Variants in PECAM1 observed in about 807,000 individuals in gnomAD.
PECAM1 encodes platelet and endothelial cell adhesion molecule 1.
A neutral mutation model predicts 13.8 loss-of-function variants in PECAM1; 8 were observed. The ratio of observed to expected loss-of-function variants is 0.58; its 90% confidence interval spans 0.34 to 1.05. PECAM1 has a LOEUF of 1.05. PECAM1 is among the 50% of genes least tolerant of loss of function. The pLI is 0.03. For missense variants in PECAM1, 304 were observed against 141.2 expected, an observed-to-expected ratio of 2.15 and a Z score of -5.84; for synonymous variants, 136 against 52.6, an observed-to-expected ratio of 2.58 and a Z score of -6.86.
chr17:64,324,221 A>G (rs1267721282), intron 15 of PECAM1, among the ~76,000 whole-genome samples: 1 of 152,096 alleles, frequency 6.6e-6, no homozygotes, highest in African/African-American at 2.4e-5. Context: ...CCTCTCTCCC[A>G]CCCACTCAAG....
intron 11 of PECAM1, among the ~76,000 whole-genome samples, chr17:64,351,932 T>C (rs1277111682): frequency 1.3e-5 from 2 of 152,360 alleles, no homozygotes; most frequent in South Asian, 2.1e-4. Flanking sequence ...TATTTCTTAG[T>C]TGGAACACTT....
In PECAM1 at chr17:64,321,757, T is replaced by C; in HGVS notation, c.*2059A>G. The stretch of plus-strand genomic sequence containing the variant: ...GCCTGGGCAACAGAGCAAGCCCCTG[T>C]CTCAACAAAACAAAACAAAACAAAA... On this transcript the variant is annotated 3_prime_UTR_variant, in exon 16 of 16. Coordinates refer to ENST00000563924, the MANE Select transcript of PECAM1 (RefSeq NM_000442.5). The C allele has an allele frequency of 7.8e-7, 1 of 1,281,156 alleles. No individual in the cohort carries two copies. Among genetic ancestry groups the C allele is most frequent in the East Asian group, 5.0e-5 (1 of 20,176 alleles). 79.4% of individuals were successfully genotyped at this position (1,281,156 alleles called of 1,614,324 possible).
intron 13 of PECAM1, 71 bp downstream of exon 13, chr17:64,348,189 A>AC (rs1409700424): frequency 7.9e-5 from 37 of 467,082 alleles, no homozygotes; most frequent in African/African-American, 6.6e-4. Flanking sequence ...TGAACACAGC[A>AC]CCCCCGCCAC....
At chr17:64,369,727 C>G (rs1391404468) in intron 5 of PECAM1, 23 bp downstream of exon 5, 1 of 398,558 alleles carries the variant, frequency 2.5e-6, no homozygotes, top group Non-Finnish European at 4.4e-6. Flanking sequence ...TATGCCAACA[C>G]CCTCCCGCAG....
chr17:64,325,695 C>A (rs1555645539), intron 15 of PECAM1, among the ~76,000 whole-genome samples: 1 of 152,198 alleles, frequency 6.6e-6, no homozygotes, highest in Non-Finnish European at 1.5e-5. Context: ...TGAAATAGCA[C>A]CCCTGCACTC....
chr17:64,341,402 G>A (rs2035427036), intron 14 of PECAM1, among the ~76,000 whole-genome samples: 3 of 152,204 alleles, frequency 2.0e-5, no homozygotes, highest in South Asian at 2.1e-4. Context: ...AAGGGTCACC[G>A]GCTGGGGTCA....
intron 6 of PECAM1, among the ~76,000 whole-genome samples, chr17:64,362,326 T>G (rs2036001064): frequency 6.6e-6 from 1 of 152,196 alleles, no homozygotes; most frequent in Admixed American, 6.6e-5. Context: ...CCTTTTGGGT[T>G]AGCCAGGATA....
chr17:64,370,820 A>G (rs1433094214), intron 4 of PECAM1, among the ~76,000 whole-genome samples: 1 of 152,236 alleles, frequency 6.6e-6, no homozygotes, highest in Non-Finnish European at 1.5e-5. Context: ...AAACTGGAAT[A>G]TATACACAGA....
intron 15 of PECAM1, among the ~76,000 whole-genome samples, chr17:64,329,473 C>T (rs1555646236): frequency 1.3e-5 from 2 of 152,134 alleles, no homozygotes; most frequent in Non-Finnish European, 2.9e-5. Flanking sequence ...ACCCCAGAGT[C>T]CCAATCCCTT....
intron 14 of PECAM1, among the ~76,000 whole-genome samples, chr17:64,333,597 CT>C (rs1330836236): frequency 6.6e-6 from 1 of 151,894 alleles, no homozygotes; most frequent in African/African-American, 2.4e-5. Flanking sequence ...TGCCACTGAG[CT>C]GGATACTTAG....
intron 2 of PECAM1, among the ~76,000 whole-genome samples, chr17:64,381,195 T>C (rs2036474588): frequency 1.3e-5 from 2 of 152,322 alleles, no homozygotes; most frequent in South Asian, 4.1e-4. Flanking sequence ...CAGGAAACAC[T>C]GTGTTTATGC....
At chr17:64,345,483 CG>C (rs1385727789) in intron 13 of PECAM1, among the ~76,000 whole-genome samples, 1 of 151,982 alleles carries the variant, frequency 6.6e-6, no homozygotes, top group Non-Finnish European at 1.5e-5. Flanking sequence ...GTGGTCAAGG[CG>C]GGTGGATCAC....
chr17:64,331,507 C>T (rs1031211336), intron 14 of PECAM1, among the ~76,000 whole-genome samples: 1 of 152,340 alleles, frequency 6.6e-6, no homozygotes, highest in Non-Finnish European at 1.5e-5. Context: ...TCTTGGCAGG[C>T]GCCATGCTGT....
intron 13 of PECAM1, among the ~76,000 whole-genome samples, chr17:64,346,894 A>G (rs1169627699): frequency 2.0e-5 from 3 of 152,178 alleles, no homozygotes; most frequent in Admixed American, 2.0e-4. Flanking sequence ...AAAGCACTCG[A>G]TATCTTGAAA....
At position 64,319,560 on chromosome 17, in the gene PECAM1, C is replaced by T. The variant is rs1404436541; in HGVS notation, c.*4256G>A. On this transcript the variant is annotated 3_prime_UTR_variant, in exon 16 of 16. Transcript: ENST00000563924. Reference sequence around the variant, plus strand: ...GGGGTTTTATGTATTTGGCATAGTTCTGGGATTTACGTCTCATCTCCCCTG... The same window carrying T: ...GGGGTTTTATGTATTTGGCATAGTTTTGGGATTTACGTCTCATCTCCCCTG... 1 of 152,124 alleles carries T rather than the reference C, an allele frequency of 6.6e-6. No homozygotes were observed. Among genetic ancestry groups the T allele is most frequent in the East Asian group, 1.9e-4 (1 of 5,196 alleles). The allele number at this position is 152,124 out of a possible 1,614,324, so 9.4% of individuals were successfully genotyped here.
intron 2 of PECAM1, 103 bp from the exon 3 acceptor site, chr17:64,378,220 A>G: frequency 2.5e-6 from 1 of 403,820 alleles, no homozygotes; most frequent in Non-Finnish European, 4.4e-6. Flanking sequence ...CATCCTATGC[A>G]GTATTGAGTC....
Position 64,369,474 on chromosome 17 carries a change from G to A in PECAM1, c.967+276C>T, listed in dbSNP as rs980964626. Among the ~76,000 whole-genome samples the A allele has an allele frequency of 5.3e-5, 8 of 152,238 alleles. No individual in the cohort carries two copies. The East Asian group carries it at 1.5e-3, about 29-fold the overall frequency. On this transcript the variant is annotated intron_variant, in intron 5 of 15. Transcript: ENST00000563924. Reference sequence around the variant, plus strand: ...AAGGTCATTATCACCATCTCACAGCGCTGCGGCACGTTCAATAACTCACCC... The same window carrying A: ...AAGGTCATTATCACCATCTCACAGCACTGCGGCACGTTCAATAACTCACCC...
At position 64,356,289 on chromosome 17, in the gene PECAM1, A is replaced by G. The variant is rs2035844398; in HGVS notation, c.1602T>C (p.Tyr534=). ...AVNEGSGPIT[Y]KFYREKEGKP... ...TGCCCTCTTTTTCTCTGTAAAACTTATAGGTGATGGGACCAGATCCTTCAT... is the reference window on the plus strand; with the variant it reads ...TGCCCTCTTTTTCTCTGTAAAACTTGTAGGTGATGGGACCAGATCCTTCAT... The change falls in exon 8 of 16, where the codon TAT becomes TAC. Residue 534 remains tyrosine, a synonymous_variant. Transcript: ENST00000563924. 2.1e-6 allele frequency: 1 copy of G among 474,676 alleles called. No individual in the cohort carries two copies. The allele number at this position is 474,676 out of a possible 1,614,324, so 29.4% of individuals were successfully genotyped here.
intron 7 of PECAM1, among the ~76,000 whole-genome samples, chr17:64,358,503 C>T (rs1433718683): frequency 6.6e-6 from 1 of 152,102 alleles, no homozygotes; most frequent in African/African-American, 2.4e-5. Context: ...CCTTCTCTGC[C>T]CACCCATTCT....
Sources: gnomAD v4.1 joint callset for allele counts (sites outside exome capture counted in the v4.1 genomes callset) on GRCh38, gnomAD v4.1.1 for gene constraint, MANE v1.5 for transcripts, NCBI Gene and HGNC (gene_info 2026-07-23, HGNC 2026-07-21) for gene names.